Variants in RCSD1 observed in about 807,000 individuals in gnomAD.
The protein encoded by RCSD1 is RCSD domain containing 1.
A neutral mutation model predicts 42.5 loss-of-function variants in RCSD1; 26 were observed. That is an observed-to-expected ratio of 0.61 (90% confidence interval 0.45 to 0.85). RCSD1 has a LOEUF of 0.85. RCSD1 is among the 40% of genes least tolerant of loss of function. The pLI is 0.00. For missense variants in RCSD1, 571 were observed against 528.3 expected (o/e 1.08, Z -0.79); for synonymous variants, 220 against 212.2 (o/e 1.04, Z -0.32).
intron 1 of RCSD1, 83 bp from the exon 2 acceptor site, chr1:167,683,817 T>C: frequency 7.8e-7 from 1 of 1,282,762 alleles, no homozygotes; most frequent in Non-Finnish European, 1.1e-6. Flanking sequence ...ACAGCATTCC[T>C]GCTTGCAGCC....
At chr1:167,675,552 C>T (rs1658931435) in intron 1 of RCSD1, among the ~76,000 whole-genome samples, 1 of 152,152 alleles carries the variant, frequency 6.6e-6, no homozygotes, top group Admixed American at 6.5e-5. Flanking sequence ...GGGGACACAG[C>T]CAAACCATGT....
At chr1:167,666,435 C>T (rs1277477191) in intron 1 of RCSD1, among the ~76,000 whole-genome samples, 1 of 152,126 alleles carries the variant, frequency 6.6e-6, no homozygotes, top group Non-Finnish European at 1.5e-5. Context: ...ATTATGAAAG[C>T]CTACTACTAC....
At chr1:167,699,615 C>A (rs556372764) in intron 6 of RCSD1, among the ~76,000 whole-genome samples, 5 of 152,330 alleles carry the variant, frequency 3.3e-5, no homozygotes, top group African/African-American at 1.2e-4. Context: ...CCAGAATGAT[C>A]TTGTCTTGAG....
At chr1:167,686,471 T>A (rs1008650672) in intron 3 of RCSD1, among the ~76,000 whole-genome samples, 1 of 152,154 alleles carries the variant, frequency 6.6e-6, no homozygotes, top group African/African-American at 2.4e-5. Context: ...TTTGTCAACC[T>A]AAGGCTTATA....
chr1:167,662,760 T>C lies in RCSD1; in HGVS notation c.7-21140T>C, dbSNP rs72697709. Among the ~76,000 whole-genome samples the C allele has an allele frequency of 9.1e-3, 1,389 of 152,332 alleles. 13 individuals are homozygous for C. The highest frequency in any genetic ancestry group is 0.019 in the South Asian group (92 of 4,834). On this transcript the variant is annotated intron_variant, in intron 1 of 6. Transcript: ENST00000367854. ...GAGGAGGAGGGATGGGATTCTTTAC[T>C]TGGAAGAGCTGAGTGTGAAGATGTT...
At chr1:167,634,291 G>A (rs979467005) in intron 1 of RCSD1, among the ~76,000 whole-genome samples, 36 of 152,172 alleles carry the variant, frequency 2.4e-4, no homozygotes, top group African/African-American at 8.7e-4. Flanking sequence ...CTTGAGGGCA[G>A]GGGCCATGTC....
intron 1 of RCSD1, among the ~76,000 whole-genome samples, chr1:167,649,283 A>G (rs988618530): frequency 3.9e-5 from 6 of 152,194 alleles, no homozygotes; most frequent in African/African-American, 1.4e-4. Flanking sequence ...TAAGCCAGGC[A>G]AGACCTCGAG....
intron 1 of RCSD1, among the ~76,000 whole-genome samples, chr1:167,682,463 C>T (rs1173815021): frequency 3.3e-5 from 5 of 152,200 alleles, no homozygotes; most frequent in Admixed American, 6.5e-5. Context: ...CCACCATGTC[C>T]GGCCTGTCAA....
At chr1:167,634,146 C>A (rs1040381345) in intron 1 of RCSD1, among the ~76,000 whole-genome samples, 8 of 152,210 alleles carry the variant, frequency 5.3e-5, no homozygotes, top group Non-Finnish European at 1.0e-4. Context: ...GTAGCTCAAA[C>A]GTCTCCACCT....
At chr1:167,690,584 G>A (rs1659351526) in intron 4 of RCSD1, among the ~76,000 whole-genome samples, 1 of 152,158 alleles carries the variant, frequency 6.6e-6, no homozygotes, top group African/African-American at 2.4e-5. Context: ...CGAGGTGAGA[G>A]GATCGCTTGG....
intron 1 of RCSD1, among the ~76,000 whole-genome samples, chr1:167,638,220 A>T (rs969232928): frequency 1.3e-5 from 2 of 152,136 alleles, no homozygotes; most frequent in African/African-American, 4.8e-5. Flanking sequence ...ATATGTTTTG[A>T]TGAATAATGG....
intron 5 of RCSD1, among the ~76,000 whole-genome samples, chr1:167,696,556 A>G (rs1659502100): frequency 6.6e-6 from 1 of 151,734 alleles, no homozygotes; most frequent in Admixed American, 6.6e-5. Flanking sequence ...GGCTCAAGCT[A>G]TATTCCCATC....
chr1:167,703,640 C>A (rs1448456359), intron 6 of RCSD1, among the ~76,000 whole-genome samples: 1 of 152,220 alleles, frequency 6.6e-6, no homozygotes, highest in African/African-American at 2.4e-5. Context: ...ATCCCAAACC[C>A]TTTGATACTG....
chr1:167,691,899 G>C (rs74989083), intron 4 of RCSD1, among the ~76,000 whole-genome samples: 2,020 of 152,204 alleles, frequency 0.013, 42 homozygotes, highest in African/African-American at 0.047. Context: ...TCTCAGAAGG[G>C]ATCCCAGAAC....
intron 1 of RCSD1, among the ~76,000 whole-genome samples, chr1:167,675,407 G>T (rs1658926397): frequency 1.3e-5 from 2 of 152,146 alleles, no homozygotes; most frequent in Admixed American, 1.3e-4. Context: ...AAAACCATCA[G>T]ATTTCATGAG....
chr1:167,657,588 T>C (rs1229378), intron 1 of RCSD1, among the ~76,000 whole-genome samples: 10,694 of 152,192 alleles, frequency 0.07, 405 homozygotes, highest in South Asian at 0.09. Flanking sequence ...CTTATGGGAT[T>C]ATTAGTAATT....
chr1:167,680,139 G>A (rs762612350), intron 1 of RCSD1, among the ~76,000 whole-genome samples: 2 of 152,094 alleles, frequency 1.3e-5, no homozygotes, highest in Non-Finnish European at 2.9e-5. Context: ...GGAAGATGGA[G>A]TACAGGCCTG....
At chr1:167,670,188 A>T (rs768087834) in intron 1 of RCSD1, among the ~76,000 whole-genome samples, 6 of 152,132 alleles carry the variant, frequency 3.9e-5, no homozygotes, top group African/African-American at 1.2e-4. Flanking sequence ...TTATTATTGA[A>T]CTAACCAACA....
At chr1:167,698,976 T>C (rs1659576033) in intron 6 of RCSD1, among the ~76,000 whole-genome samples, 1 of 152,064 alleles carries the variant, frequency 6.6e-6, no homozygotes, top group African/African-American at 2.4e-5. Flanking sequence ...ATTTTTTGTA[T>C]TTTTAGTGGA....
Sources: allele counts gnomAD v4.1 joint callset (sites outside exome capture counted in the v4.1 genomes callset), GRCh38; gene constraint gnomAD v4.1.1; transcripts MANE v1.5; gene names NCBI Gene and HGNC (gene_info 2026-07-23, HGNC 2026-07-21).